The following SLC35D2 variants were observed in gnomAD, a reference collection of about 807,000 sequenced individuals.
SLC35D2 encodes the protein nucleotide sugar transporter SLC35D2.
SLC35D2 carries 43 observed loss-of-function variants against 41.8 expected under a neutral mutation model. The ratio of observed to expected loss-of-function variants is 1.03; its 90% CI spans 0.81 to 1.33. The LOEUF (loss-of-function observed/expected upper bound fraction) is 1.33. Ranked by LOEUF, SLC35D2 falls within the 40% of genes most tolerant of loss-of-function variation. The pLI, the probability that SLC35D2 is intolerant of heterozygous loss-of-function variation, is 0.00. For synonymous variants in SLC35D2, 150 were observed against 163.9 expected, an observed-to-expected ratio of 0.92 and a Z score of 0.65; for missense variants, 380 against 408.4, an observed-to-expected ratio of 0.93 and a Z score of 0.60.
chr9:96,338,139 G>A (rs922665695), intron 8 of SLC35D2, among the ~76,000 whole-genome samples: 2 of 152,144 alleles, frequency 1.3e-5, no homozygotes, highest in African/African-American at 4.8e-5. Flanking sequence ...ATCTGAAAGT[G>A]TCTGAAGACT....
intron 9 of SLC35D2, among the ~76,000 whole-genome samples, chr9:96,333,752 T>C (rs1005417839): frequency 3.3e-5 from 5 of 152,092 alleles, no homozygotes; most frequent in African/African-American, 9.7e-5. Context: ...GTTTCCTTCA[T>C]GGAATGGTTA....
intron 9 of SLC35D2, among the ~76,000 whole-genome samples, chr9:96,336,003 T>C (rs112247720): frequency 9.9e-5 from 15 of 150,756 alleles, no homozygotes; most frequent in African/African-American, 1.2e-4. Flanking sequence ...TAAGCCAAGA[T>C]TGTGCCACTA....
chr9:96,360,523 G>T (rs934677231), intron 3 of SLC35D2, among the ~76,000 whole-genome samples: 3 of 149,576 alleles, frequency 2.0e-5, no homozygotes, highest in African/African-American at 7.4e-5. Flanking sequence ...CAGCTACTCG[G>T]GAGGCTGAGG....
At chr9:96,373,657 A>C (rs1830806976) in intron 1 of SLC35D2, among the ~76,000 whole-genome samples, 1 of 150,266 alleles carries the variant, frequency 6.7e-6, no homozygotes, top group South Asian at 2.1e-4. Context: ...ATTGCACTTC[A>C]GCCTGGCCGA....
At chr9:96,347,090 C>G (rs10119629) in intron 6 of SLC35D2, among the ~76,000 whole-genome samples, 3 of 152,036 alleles carry the variant, frequency 2.0e-5, no homozygotes, top group Non-Finnish European at 4.4e-5. Context: ...GAGCCAAGAT[C>G]GTGCCTCCAG....
rs776848534 is a variant in SLC35D2, at chr9:96,322,028, G to C, written c.884C>G (p.Ser295Cys). 6.2e-7 allele frequency: 1 copy of C among 1,606,502 alleles called. No individual in the cohort carries two copies. Among genetic ancestry groups the C allele is most frequent in the Non-Finnish European group, 8.5e-7 (1 of 1,173,876 alleles). ...GILIGGDYIFSLLNFVGLNIC... is the reference protein window; with the variant it reads ...GILIGGDYIFCLLNFVGLNIC... ...ATTTAACCCTACAAAGTTTAACAAAGAGAAAATGTAGTCTCCACCGATTAA... is the reference window on the plus strand; with the variant it reads ...ATTTAACCCTACAAAGTTTAACAAACAGAAAATGTAGTCTCCACCGATTAA... The change falls in exon 11 of 12, where the codon TCT becomes TGT. Residue 295 changes from serine (S) to cysteine (C), a missense_variant. Coordinates refer to ENST00000253270, the MANE Select transcript of SLC35D2 (RefSeq NM_007001.3).
intron 3 of SLC35D2, among the ~76,000 whole-genome samples, chr9:96,363,238 C>T (rs1428135943): frequency 2.0e-5 from 3 of 151,412 alleles, no homozygotes; most frequent in African/African-American, 7.3e-5. Context: ...TGGCCTCAGA[C>T]GATCCTCCTG....
intron 9 of SLC35D2, among the ~76,000 whole-genome samples, chr9:96,325,170 C>T (rs1355549225): frequency 6.6e-5 from 10 of 152,122 alleles, no homozygotes; most frequent in Admixed American, 5.9e-4. Flanking sequence ...TGTGGATGAG[C>T]GCCAGACAAG....
chr9:96,351,209 G>C (rs746678296), intron 5 of SLC35D2, 38 bp from the exon 6 acceptor site: 1 of 1,381,198 alleles, frequency 7.2e-7, no homozygotes. Flanking sequence ...AAAGGGAGCA[G>C]AGAGGAAAAC....
chr9:96,342,293 T>G (rs1829365213), intron 8 of SLC35D2, among the ~76,000 whole-genome samples: 1 of 151,356 alleles, frequency 6.6e-6, no homozygotes, highest in African/African-American at 2.5e-5. Context: ...GTATTTTTAC[T>G]ACTACTAAAA....
intron 5 of SLC35D2, among the ~76,000 whole-genome samples, chr9:96,351,474 G>C (rs894497822): frequency 2.0e-5 from 3 of 151,830 alleles, no homozygotes; most frequent in Non-Finnish European, 2.9e-5. Context: ...CTGATAGTGA[G>C]TATTCAAAGA....
intron 6 of SLC35D2, among the ~76,000 whole-genome samples, chr9:96,350,391 ACAATGTTTCC>A (rs1224039737): frequency 8.9e-6 from 1 of 112,746 alleles, no homozygotes; most frequent in Non-Finnish European, 1.7e-5. Flanking sequence ...ATAGGTTCTC[ACAATGTTTCC>A]CAAGCTTATC....
intron 6 of SLC35D2, 126 bp downstream of exon 6, chr9:96,350,977 A>G: frequency 1.4e-6 from 1 of 714,456 alleles, no homozygotes; most frequent in Admixed American, 2.4e-5. Context: ...ACTAACTTCA[A>G]CAGATTTGTC....
rs182729702 is a variant in SLC35D2, at chr9:96,347,997, C to T, written c.489-2596G>A. ...TGTTTAGCAAATCATCAAGAAATAA[C>T]CATTAAAAATGGGCAACCAGCAGCT... On this transcript the variant is annotated intron_variant, in intron 6 of 11. Coordinates refer to ENST00000253270, the MANE Select transcript of SLC35D2 (RefSeq NM_007001.3). Among the ~76,000 whole-genome samples the T allele has an allele frequency of 4.5e-3, 692 of 152,252 alleles. 1 individual carries two copies. The highest frequency in any genetic ancestry group is 6.2e-3 in the Non-Finnish European group (421 of 68,010).
Position 96,343,985 on chromosome 9 carries a change from T to C in SLC35D2, c.603A>G (p.Lys201=). The C allele has an allele frequency of 6.3e-7, 1 of 1,590,170 alleles. No individual in the cohort carries two copies. The change falls in exon 8 of 12, where the codon AAA becomes AAG. Residue 201 remains lysine, a synonymous_variant. Coordinates refer to ENST00000253270, the MANE Select transcript of SLC35D2 (RefSeq NM_007001.3). The stretch of plus-strand genomic sequence containing the variant: ...AGGCATTGTAGAAAAGTACTCCGTA[T>C]TTCCCTAGCTCCTGCAAAAACAAAA... ...KQKMDPKELG[K]YGVLFYNACF... is the part of the protein sequence containing the mutation.
At chr9:96,360,651 A>AAAAGAAAAGG (rs1830232964) in intron 3 of SLC35D2, among the ~76,000 whole-genome samples, 4 of 105,726 alleles carry the variant, frequency 3.8e-5, no homozygotes, top group Admixed American at 1.7e-4. Flanking sequence ...AAAAAAAAAA[A>AAAAGAAAAGG]AAAGAAAAGG....
intron 9 of SLC35D2, among the ~76,000 whole-genome samples, chr9:96,324,470 ATC>A (rs1479334730): frequency 6.6e-6 from 1 of 151,892 alleles, no homozygotes; most frequent in Non-Finnish European, 1.5e-5. Context: ...ATGACCTGAA[ATC>A]TCTCATTTAT....
At chr9:96,335,359 T>TTTTG (rs369373050) in intron 9 of SLC35D2, among the ~76,000 whole-genome samples, 5 of 152,128 alleles carry the variant, frequency 3.3e-5, no homozygotes, top group East Asian at 1.9e-4. Flanking sequence ...TATTTATTCT[T>TTTTG]TTTGTTTGTT....
At chr9:96,313,876 G>C (rs919854017) in exon 12 of SLC35D2, 27 of 152,580 alleles carry the variant, frequency 1.8e-4, no homozygotes, top group African/African-American at 6.0e-4. Context: ...GGGGACCCCA[G>C]TATTTGTGGC....
Sources: allele counts gnomAD v4.1 joint callset (sites outside exome capture counted in the v4.1 genomes callset), GRCh38; gene constraint gnomAD v4.1.1; transcripts MANE v1.5; gene names NCBI Gene and HGNC (gene_info 2026-07-23, HGNC 2026-07-21).